PLOD3: variants seen among roughly 807,000 people sequenced by gnomAD.
The protein encoded by PLOD3 is multifunctional procollagen lysine hydroxylase and glycosyltransferase LH3.
Under a neutral mutation model 96.9 loss-of-function variants are expected in PLOD3, and 73 were observed. The observed-to-expected ratio is 0.75, with a 90% confidence interval of 0.62 to 0.92. The LOEUF (loss-of-function observed/expected upper bound fraction) is 0.92. Ranked by LOEUF, PLOD3 falls within the 40% of genes least tolerant of loss-of-function variation. The pLI is 0.00. For missense variants in PLOD3, 1,004 were observed against 1,004.3 expected (o/e 1.00, Z 0.00); for synonymous variants, 454 against 413.7 (o/e 1.10, Z -1.18).
At chr7:101,213,057 G>T in intron 7 of PLOD3, 50 bp downstream of exon 7, 4 of 1,391,174 alleles carry the variant, frequency 2.9e-6, no homozygotes, top group Non-Finnish European at 4.1e-6. Flanking sequence ...GGTTGGAGGT[G>T]CCTGGGGGTT....
rs552040187 is a variant in PLOD3 at position 101,213,703 on chromosome 7, T to C, written c.680-499A>G. 1.2e-4 allele frequency: 20 copies of C among 164,358 alleles called. 1 individual carries two copies. The South Asian group carries it at 3.1e-3, about 26-fold the overall frequency. The allele number at this position is 164,358 out of a possible 1,614,324, so 10.2% of individuals were successfully genotyped here. On this transcript the variant is annotated intron_variant, in intron 6 of 18. Transcript: ENST00000223127. ...GGCTAATTTTTGTATTTGTATTTTT[T>C]GTTTTTTATGCTGAGATGGAGTCTC...
Position 101,206,158 on chromosome 7 carries a change from G to A in PLOD3, c.*123C>T. ...GAGCAAGGTGACATATTCAGTTCAGGCACGCGGAACATGAACTCAGGAAGT... is the reference window on the plus strand; with the variant it reads ...GAGCAAGGTGACATATTCAGTTCAGACACGCGGAACATGAACTCAGGAAGT... On this transcript the variant is annotated 3_prime_UTR_variant, in exon 19 of 19. Transcript: ENST00000223127. The A allele has an allele frequency of 2.9e-6, 3 of 1,031,820 alleles. No homozygotes were observed. Among genetic ancestry groups the A allele is most frequent in the South Asian group, 1.3e-5 (1 of 78,930 alleles). The allele number at this position is 1,031,820 out of a possible 1,614,324, so 63.9% of individuals were successfully genotyped here.
chr7:101,212,508 G>T (rs1190888366), intron 9 of PLOD3, 22 bp downstream of exon 9: 1 of 1,613,002 alleles, frequency 6.2e-7, no homozygotes, highest in African/African-American at 1.3e-5. Context: ...CCTCAGGAGA[G>T]GCTCCAACAG....
rs1181575540 is a variant in PLOD3, at chr7:101,216,527, T to C, written c.221A>G (p.Glu74Gly). 5.6e-6 allele frequency: 9 copies of C among 1,613,806 alleles called. No homozygotes were observed. The highest frequency in any genetic ancestry group is 7.6e-6 in the Non-Finnish European group (9 of 1,179,978). ...YTVRTLGLGE[E>G]WRGGDVARTV... ...TCGAGCCACATCACCCCCTCGCCAC[T>C]CCTCTCCCAGGCCCAGGGTCTGTGG... is the stretch of plus-strand genomic sequence containing the variant. Residue 74 changes from glutamate to glycine, a missense_variant, in exon 3 of 19, where the codon GAG becomes GGG. Glu to Gly is a moderately conservative substitution (Grantham distance 98). Around this residue, in one of 5 missense-constraint regions of PLOD3, gnomAD observed 690 missense variants for 650.2 expected, o/e 1.06. Coordinates refer to ENST00000223127, the MANE Select transcript of PLOD3 (RefSeq NM_001084.5).
chr7:101,216,562 C>T lies in PLOD3; in HGVS notation c.202-16G>A. 2 of 1,613,884 alleles carry T rather than the reference C, an allele frequency of 1.2e-6. No homozygotes were observed. Among genetic ancestry groups the T allele is most frequent in the Non-Finnish European group, 8.5e-7 (1 of 1,179,958 alleles). The stretch of plus-strand genomic sequence containing the variant: ...GGCCCAGGGTCTGTGGAGAAGATTG[C>T]CCCGTGCCAGGCAAGGGGTGGGGAG... On this transcript the variant is annotated splice_polypyrimidine_tract_variant and intron_variant, in intron 2 of 18. Coordinates refer to ENST00000223127, the MANE Select transcript of PLOD3 (RefSeq NM_001084.5).
Position 101,208,952 on chromosome 7 carries a change from G to A in PLOD3, c.1689C>T (p.Cys563=). Residue 563 remains cysteine, a synonymous_variant, in exon 16 of 19, where the codon TGC becomes TGT. Coordinates refer to ENST00000223127, the MANE Select transcript of PLOD3 (RefSeq NM_001084.5). ...LEGEGIVEQP[C]PDVYWFPLLS... The stretch of plus-strand genomic sequence containing the variant: ...GCAGTGGGAACCAGTACACGTCCGG[G>A]CATGGCTGAGGATGGGGCGAGGGAG... 6.2e-7 allele frequency: 1 copy of A among 1,611,298 alleles called. No homozygotes were observed. Among genetic ancestry groups the A allele is most frequent in the South Asian group, 1.1e-5 (1 of 91,038 alleles).
Position 101,217,185 on chromosome 7 carries a change from G to A in PLOD3, c.90C>T (p.Gly30=). 2.0e-6 allele frequency: 3 copies of A among 1,492,540 alleles called. No individual in the cohort carries two copies. Among genetic ancestry groups the A allele is most frequent in the Non-Finnish European group, 2.7e-6 (3 of 1,122,218 alleles). The allele number at this position is 1,492,540 out of a possible 1,614,324, so 92.5% of individuals were successfully genotyped here. A position where few individuals can be genotyped will look rare whatever the true frequency, so the allele number is the denominator to read the frequency against. The change falls in exon 1 of 19, where the codon GGC becomes GGT. Residue 30 remains glycine (G), a synonymous_variant. Transcript: ENST00000223127. ...TCTCACCTGGGTTGACCGGGTCTCG[G>A]CCCCGGGGCCGGTCGGAGGCTGAGG... ...PAASASDRPR[G]RDPVNPEKLL...
At chr7:101,206,676 G>A (rs1798089655) in intron 18 of PLOD3, 103 bp downstream of exon 18, 2 of 1,348,086 alleles carry the variant, frequency 1.5e-6, no homozygotes, top group Non-Finnish European at 2.1e-6. Context: ...AAGTCACTGG[G>A]AAATGGGCAG....
rs1562897050 is a variant in PLOD3 at position 101,217,552 on chromosome 7, TCTG to T, written c.-281_-279del. 14 of 481,810 alleles carry T rather than the reference TCTG, an allele frequency of 2.9e-5. No individual in the cohort carries two copies. Among genetic ancestry groups the T allele is most frequent in the Admixed American group, 4.0e-5 (1 of 25,060 alleles). The allele number at this position is 481,810 out of a possible 1,614,324, so 29.8% of individuals were successfully genotyped here. Reference sequence around the variant, plus strand: ...GGGCCGGCGGGCGGGAGACAGGGACTCTGGGCTGAGCCAGCCGCTTGACACATG... The same window carrying T: ...GGGCCGGCGGGCGGGAGACAGGGACTGGCTGAGCCAGCCGCTTGACACATG... On this transcript the variant is annotated 5_prime_UTR_variant, in exon 1 of 19. Coordinates refer to ENST00000223127, the MANE Select transcript of PLOD3 (RefSeq NM_001084.5).
rs1045497156 is a variant in PLOD3, at chr7:101,217,502, G to A, written c.-228C>T. On this transcript the variant is annotated 5_prime_UTR_variant, in exon 1 of 19. Transcript: ENST00000223127. ...AGGCGAGGATTGTCCCGGGCGCACG[G>A]GAGGCGGGGGAGGGGCGGCGGCTCG... The A allele has an allele frequency of 2.0e-6, 1 of 499,250 alleles. No individual in the cohort carries two copies. The highest frequency in any genetic ancestry group is 3.5e-6 in the Non-Finnish European group (1 of 289,138). 30.9% of individuals were successfully genotyped at this position (499,250 alleles called of 1,614,324 possible). A position where few individuals can be genotyped will look rare whatever the true frequency, so the allele number is the denominator to read the frequency against.
intron 12 of PLOD3, chr7:101,210,913 C>T: frequency 3.9e-6 from 2 of 514,978 alleles, no homozygotes; most frequent in Non-Finnish European, 7.1e-6. Flanking sequence ...CGGAGTCTTG[C>T]TCTGTCACCC....
rs1318174260 is a variant in PLOD3, at chr7:101,210,532, C to G, written c.1500G>C (p.Lys500Asn). The change falls in exon 13 of 19, where the codon AAG (lysine) becomes AAC (asparagine). Residue 500 changes from lysine to asparagine, a missense_variant and splice_region_variant. This residue lies in a region of PLOD3 where 23 missense variants were observed against 45.7 expected (regional missense o/e 0.50). Transcript: ENST00000223127. ...GGCCAGACCGTGCACCCGCGCTCAC[C>G]TTGTCTCGAAAGCTCTTACAGAAGG... ...DMAFCKSFRD[K>N]GIFLHLSNQH... is the part of the protein sequence containing the mutation. 1 of 1,614,092 alleles carries G rather than the reference C, an allele frequency of 6.2e-7. No homozygotes were observed. The highest frequency in any genetic ancestry group is 1.3e-5 in the African/African-American group (1 of 74,940).
At position 101,215,916 on chromosome 7, in the gene PLOD3, C is replaced by T; in HGVS notation, c.607G>A (p.Gly203Arg). The change falls in exon 5 of 19, where the codon GGA becomes AGA. Residue 203 changes from glycine (G) to arginine (R), a missense_variant. Gly to Arg is a moderately radical substitution (Grantham distance 125). Around this residue, in one of 5 missense-constraint regions of PLOD3, gnomAD observed 690 missense variants for 650.2 expected, o/e 1.06. Transcript: ENST00000223127. The part of the protein sequence containing the change: ...LFYTRLYLDP[G>R]LREKLSLNLD... Reference sequence around the variant, plus strand: ...TCCTCTGCCTTCCCTACCCTCAGTCCTGGGTCCAGGTAGAGCCGTGTGTAG... The same window carrying T: ...TCCTCTGCCTTCCCTACCCTCAGTCTTGGGTCCAGGTAGAGCCGTGTGTAG... 6.2e-7 allele frequency: 1 copy of T among 1,609,386 alleles called. No individual in the cohort carries two copies. The highest frequency in any genetic ancestry group is 1.1e-5 in the South Asian group (1 of 90,980).
At position 101,210,318 on chromosome 7, in the gene PLOD3, G is replaced by A; in HGVS notation, c.1614+13C>T. 1 of 1,602,672 alleles carries A rather than the reference G, an allele frequency of 6.2e-7. No homozygotes were observed. On this transcript the variant is annotated intron_variant, in intron 14 of 18. Transcript: ENST00000223127. ...GGGAACCTGTGTGCTCTGGGCGTGGGGTCCCCACTCACGACGGGGTTGTCG... is the reference window on the plus strand; with the variant it reads ...GGGAACCTGTGTGCTCTGGGCGTGGAGTCCCCACTCACGACGGGGTTGTCG...
In PLOD3 at chr7:101,207,659, C is replaced by A; in HGVS notation, c.1854G>T (p.Gly618=). 1 of 1,613,880 alleles carries A rather than the reference C, an allele frequency of 6.2e-7. No individual in the cohort carries two copies. Among genetic ancestry groups the A allele is most frequent in the South Asian group, 1.1e-5 (1 of 91,058 alleles). Residue 618 remains glycine, a synonymous_variant, in exon 17 of 19, where the codon GGG becomes GGT. Coordinates refer to ENST00000223127, the MANE Select transcript of PLOD3 (RefSeq NM_001084.5). ...PTVDIHMKQV[G]YEDQWLQLLR... ...GCAGCTGCAGCCACTGGTCCTCGTA[C>A]CCCACCTGCTTCATGTGGATGTCCA...
chr7:101,210,333 C>A lies in PLOD3; in HGVS notation c.1612G>T (p.Val538Phe). The change falls in exon 14 of 19, where the codon GTC (valine) becomes TTC (phenylalanine). Residue 538 changes from valine (V) to phenylalanine (F), a missense_variant and splice_region_variant. By Grantham distance (50) the Val-to-Phe change is conservative. This residue lies in a region of PLOD3 where 65 missense variants were observed against 68.8 expected (regional missense o/e 0.94). Coordinates refer to ENST00000223127, the MANE Select transcript of PLOD3 (RefSeq NM_001084.5). ...CTGGGCGTGGGGTCCCCACTCACGACGGGGTTGTCGAAGATCTGCCAGAGG... is the reference window on the plus strand; with the variant it reads ...CTGGGCGTGGGGTCCCCACTCACGAAGGGGTTGTCGAAGATCTGCCAGAGG... Reference protein sequence around the residue: ...PDLWQIFDNPVDWKEQYIHEN... With the variant: ...PDLWQIFDNPFDWKEQYIHEN... 6.2e-7 allele frequency: 1 copy of A among 1,612,530 alleles called. No homozygotes were observed. Among genetic ancestry groups the A allele is most frequent in the Non-Finnish European group, 8.5e-7 (1 of 1,178,600 alleles).
Position 101,210,076 on chromosome 7 carries a change from AGGCT to A in PLOD3, c.1683+13_1683+16del. ...CCATGAGGGCAGGGGGTGGGTGGGG[AGGCT>A]GCGTGGGCTCACCTGCTCCACGATT... On this transcript the variant is annotated intron_variant, in intron 15 of 18. Transcript: ENST00000223127. 2 of 1,545,854 alleles carry A rather than the reference AGGCT, an allele frequency of 1.3e-6. No individual in the cohort carries two copies. The highest frequency in any genetic ancestry group is 2.4e-5 in the South Asian group (2 of 84,110).
chr7:101,206,034 T>C lies in PLOD3; in HGVS notation c.*247A>G, dbSNP rs1798075631. 2 of 591,838 alleles carry C rather than the reference T, an allele frequency of 3.4e-6. No individual in the cohort carries two copies. Among genetic ancestry groups the C allele is most frequent in the Non-Finnish European group, 6.0e-6 (2 of 332,172 alleles). 36.7% of individuals were successfully genotyped at this position (591,838 alleles called of 1,614,324 possible). On this transcript the variant is annotated 3_prime_UTR_variant, in exon 19 of 19. Coordinates refer to ENST00000223127, the MANE Select transcript of PLOD3 (RefSeq NM_001084.5). ...GAGACTGCGGAACATTAATAATTTATCACGCGGGGAGTCCCCAGAAGCCCT... is the reference window on the plus strand; with the variant it reads ...GAGACTGCGGAACATTAATAATTTACCACGCGGGGAGTCCCCAGAAGCCCT...
intron 17 of PLOD3, 86 bp downstream of exon 17, chr7:101,207,492 G>T: frequency 7.1e-7 from 1 of 1,401,676 alleles, no homozygotes; most frequent in East Asian, 2.3e-5. Context: ...AAATGCTGCC[G>T]GGGCCGAAAG....
Sources: gnomAD v4.1 joint callset for allele counts on GRCh38, gnomAD v4.1.1 for gene constraint, gnomAD v4.1.1 regional missense constraint, MANE v1.5 for transcripts, NCBI Gene and HGNC (gene_info 2026-07-23, HGNC 2026-07-21) for gene names.